Variants in DYNC1I1 observed in about 807,000 individuals in gnomAD.
DYNC1I1 encodes dynein cytoplasmic 1 intermediate chain 1.
Under a neutral mutation model 86.6 loss-of-function variants are expected in DYNC1I1, and 43 were observed. That is an observed-to-expected ratio of 0.50 (90% CI 0.39 to 0.64). The LOEUF (loss-of-function observed/expected upper bound fraction) is 0.64, where lower values mean the gene tolerates loss of function less well. DYNC1I1 is among the 30% of genes least tolerant of loss of function. DYNC1I1 has a pLI of 0.00. For synonymous variants in DYNC1I1, 262 were observed against 283.7 expected (o/e 0.92, Z 0.77); for missense variants, 604 against 788.8 (o/e 0.77, Z 2.81).
chr7:95,977,574 C>G lies in DYNC1I1; in HGVS notation c.553C>G (p.Gln185Glu). The G allele has an allele frequency of 6.2e-7, 1 of 1,612,010 alleles. No homozygotes were observed. The highest frequency in any genetic ancestry group is 1.1e-5 in the South Asian group (1 of 90,692). ...TGGCCAGGACTCAGAACTGGAAAAT[C>G]AGGACAAAAAACAGGAAGTGAAGGA... Reference protein sequence around the residue: ...KVGQDSELENQDKKQEVKEAP... With the variant: ...KVGQDSELENEDKKQEVKEAP... The change falls in exon 7 of 17, where the codon CAG (glutamine) becomes GAG (glutamate). Residue 185 changes from glutamine to glutamate, a missense_variant. Gln to Glu is a conservative substitution (Grantham distance 29). Transcript: ENST00000447467.
chr7:95,862,261 G>A (rs530756703), intron 5 of DYNC1I1, among the ~76,000 whole-genome samples: 83 of 151,706 alleles, frequency 5.5e-4, no homozygotes, highest in Middle Eastern at 6.8e-3. Flanking sequence ...AAGTAAAAAG[G>A]CAGCCCACAG....
At chr7:96,061,280 C>A (rs542240770) in intron 14 of DYNC1I1, among the ~76,000 whole-genome samples, 5 of 152,126 alleles carry the variant, frequency 3.3e-5, no homozygotes, top group Non-Finnish European at 7.3e-5. Context: ...GTATTCATAG[C>A]CCTGGACTGT....
At chr7:95,889,159 T>C (rs146063336) in intron 6 of DYNC1I1, among the ~76,000 whole-genome samples, 8 of 152,314 alleles carry the variant, frequency 5.3e-5, no homozygotes, top group African/African-American at 1.9e-4. Context: ...TACTCAAAAT[T>C]GTTGCAAAGT....
At chr7:95,814,145 C>A (rs911931759) in intron 4 of DYNC1I1, among the ~76,000 whole-genome samples, 2 of 152,184 alleles carry the variant, frequency 1.3e-5, no homozygotes, top group South Asian at 2.1e-4. Context: ...GCCAGATGGC[C>A]CCCTCATAGC....
In DYNC1I1 at chr7:95,987,250, C is replaced by T. The variant is rs1793619948; in HGVS notation, c.843+95C>T. On this transcript the variant is annotated intron_variant, in intron 9 of 16. Transcript: ENST00000447467. Reference sequence around the variant, plus strand: ...GATTTGTTTACTTGCCTACGATTTCCTCTCTATGCCTGTTGGTTTTTTTCC... The same window carrying T: ...GATTTGTTTACTTGCCTACGATTTCTTCTCTATGCCTGTTGGTTTTTTTCC... 5 of 1,063,712 alleles carry T rather than the reference C, an allele frequency of 4.7e-6. No homozygotes were observed. In the Admixed American group the frequency reaches 6.3e-5, roughly 13 times the overall value. 65.9% of individuals were successfully genotyped at this position (1,063,712 alleles called of 1,614,324 possible).
intron 14 of DYNC1I1, among the ~76,000 whole-genome samples, chr7:96,049,736 A>AAATACAG (rs1265933629): frequency 6.6e-6 from 1 of 152,180 alleles, no homozygotes; most frequent in Non-Finnish European, 1.5e-5. Context: ...TTTGTTGATA[A>AAATACAG]AATACAGTAT....
intron 6 of DYNC1I1, among the ~76,000 whole-genome samples, chr7:95,955,217 A>G (rs1165502928): frequency 6.6e-6 from 1 of 152,220 alleles, no homozygotes; most frequent in Non-Finnish European, 1.5e-5. Flanking sequence ...ATGTACTTGT[A>G]TGAAAATACC....
At chr7:95,915,927 G>A (rs762360070) in intron 6 of DYNC1I1, among the ~76,000 whole-genome samples, 9 of 152,156 alleles carry the variant, frequency 5.9e-5, no homozygotes, top group Non-Finnish European at 8.8e-5. Flanking sequence ...CTTTTCATCC[G>A]TATCTGTTCA....
At chr7:95,942,456 G>A (rs1026537195) in intron 6 of DYNC1I1, among the ~76,000 whole-genome samples, 1 of 152,132 alleles carries the variant, frequency 6.6e-6, no homozygotes, top group Non-Finnish European at 1.5e-5. Flanking sequence ...AGGAGGAACT[G>A]GTACCATTCC....
At chr7:96,061,162 C>A (rs143608930) in intron 14 of DYNC1I1, among the ~76,000 whole-genome samples, 109 of 152,214 alleles carry the variant, frequency 7.2e-4, no homozygotes, top group Admixed American at 9.8e-4. Flanking sequence ...TGAATGCAGC[C>A]GACTGGCTGG....
At chr7:96,098,534 A>C, downstream of DYNC1I1, 1 of 699,396 alleles carries the variant, frequency 1.4e-6, no homozygotes, top group African/African-American at 1.9e-5. Flanking sequence ...ACTGATCATG[A>C]ATTTATTTGA....
intron 14 of DYNC1I1, among the ~76,000 whole-genome samples, chr7:96,052,463 C>T (rs961796195): frequency 2.0e-5 from 3 of 152,094 alleles, no homozygotes; most frequent in African/African-American, 7.2e-5. Context: ...AGTTACTTAA[C>T]CTCTCTGTGC....
chr7:95,950,778 T>C (rs1792530787), intron 6 of DYNC1I1, among the ~76,000 whole-genome samples: 1 of 152,060 alleles, frequency 6.6e-6, no homozygotes, highest in African/African-American at 2.4e-5. Flanking sequence ...GGGGCCAGGA[T>C]CATCTTAGAA....
In DYNC1I1 at chr7:96,014,270, C is replaced by G. The variant is rs73397083; in HGVS notation, c.970-13905C>G. On this transcript the variant is annotated intron_variant, in intron 10 of 16. Transcript: ENST00000447467. ...ACTACGTCCTAAAGGAGTTAAGTCC[C>G]ATGAACAAAGTGACACAGCTATAGA... Among the ~76,000 whole-genome samples the G allele has an allele frequency of 7.0e-3, 1,061 of 152,244 alleles. 12 individuals are homozygous for G. The highest frequency in any genetic ancestry group is 0.024 in the African/African-American group (1,007 of 41,538).
chr7:96,057,762 A>T (rs1789623965), intron 14 of DYNC1I1, among the ~76,000 whole-genome samples: 1 of 152,190 alleles, frequency 6.6e-6, no homozygotes. Flanking sequence ...TCAGGGTACT[A>T]AATGATTAAT....
At position 96,107,533 on chromosome 7, in the gene DYNC1I1, CTTT is replaced by C. The variant is rs201003613; in HGVS notation, c.1543-2432_1543-2430del. Among the ~76,000 whole-genome samples, 489 of 138,822 alleles carry C rather than the reference CTTT, an allele frequency of 3.5e-3. 9 individuals carry two copies. Among genetic ancestry groups the C allele is most frequent in the Admixed American group, 0.028 (384 of 13,864 alleles). The allele number at this position is 138,822 out of a possible 152,430, so 91.1% of individuals were successfully genotyped here. A position where few individuals can be genotyped will look rare whatever the true frequency, so the allele number is the denominator to read the frequency against. On this transcript the variant is annotated intron_variant, in intron 16 of 16. Transcript: ENST00000537881. Reference sequence around the variant, plus strand: ...TTATCTGGGGATATCGTAATTTCTTCTTTTTTTTTTTTTTTTGAAATAGAGTCT... The same window carrying C: ...TTATCTGGGGATATCGTAATTTCTTCTTTTTTTTTTTTTGAAATAGAGTCT...
rs1284574265 is a variant in DYNC1I1 at position 96,097,619 on chromosome 7, C to T, written c.*26C>T. ...TGGAAATGAGCCACCCCCACTGCAG[C>T]CCCCACCTTTGTGTCCTAGAGCTCA... On this transcript the variant is annotated 3_prime_UTR_variant, in exon 17 of 17. Coordinates refer to ENST00000447467, the MANE Select transcript of DYNC1I1 (RefSeq NM_001135556.2). 1 of 1,612,678 alleles carries T rather than the reference C, an allele frequency of 6.2e-7. No individual in the cohort carries two copies. The highest frequency in any genetic ancestry group is 2.2e-5 in the East Asian group (1 of 44,862).
intron 6 of DYNC1I1, among the ~76,000 whole-genome samples, chr7:95,971,575 C>T (rs188235916): frequency 1.4e-4 from 22 of 152,274 alleles, no homozygotes; most frequent in African/African-American, 5.1e-4. Flanking sequence ...TACTAGTAAG[C>T]TTGATTTAGA....
At chr7:96,034,017 A>C (rs1794874463) in intron 12 of DYNC1I1, among the ~76,000 whole-genome samples, 1 of 151,988 alleles carries the variant, frequency 6.6e-6, no homozygotes, top group East Asian at 1.9e-4. Context: ...CTCTTGAAAA[A>C]AATAATTATT....
Sources: allele counts gnomAD v4.1 joint callset (sites outside exome capture counted in the v4.1 genomes callset), GRCh38; gene constraint gnomAD v4.1.1; transcripts MANE v1.5; gene names NCBI Gene and HGNC (gene_info 2026-07-23, HGNC 2026-07-21).